CIZ1: variants seen among roughly 807,000 people sequenced by gnomAD.
CIZ1 encodes CDKN1A interacting zinc finger protein 1, also known as cip1-interacting zinc finger protein.
In CIZ1, 58 loss-of-function variants were observed where a neutral mutation model predicts 118.6. That is an observed-to-expected ratio of 0.49 (90% CI 0.40 to 0.61). The LOEUF (loss-of-function observed/expected upper bound fraction) is 0.61. Among genes scored for constraint, CIZ1 ranks in the 20% least tolerant of loss-of-function variants. The pLI, the probability that CIZ1 is intolerant of heterozygous loss-of-function variation, is 0.00. For synonymous variants in CIZ1, 448 were observed against 443.4 expected (o/e 1.01, Z -0.13); for missense variants, 921 against 1,115.9 (o/e 0.83, Z 2.49).
chr9:128,170,047 G>A lies in CIZ1; in HGVS notation c.2004C>T (p.Ile668=), dbSNP rs1829942821. ...TCQLYYMGDL[I]QHRRTQDHKI... is the part of the protein sequence containing the mutation. ...TGTGGTCCTGTGTCCTGCGGTGTTG[G>A]ATCAGGTCCCCCATGTAGTAGAGCT... Residue 668 remains isoleucine, a synonymous_variant, in exon 12 of 17, where the codon ATC becomes ATT. Transcript: ENST00000372938. 1 of 1,613,962 alleles carries A rather than the reference G, an allele frequency of 6.2e-7. No individual in the cohort carries two copies. The highest frequency in any genetic ancestry group is 8.5e-7 in the Non-Finnish European group (1 of 1,179,976).
At chr9:128,178,075 CTG>C (rs1335682913) in intron 9 of CIZ1, among the ~76,000 whole-genome samples, 2 of 152,160 alleles carry the variant, frequency 1.3e-5, no homozygotes, top group African/African-American at 4.8e-5. Context: ...GGCTTCCACT[CTG>C]TGCTCTCTCC....
intron 6 of CIZ1, 78 bp from the exon 7 acceptor site, chr9:128,180,601 C>A (rs1366281526): frequency 1.6e-5 from 23 of 1,417,590 alleles, no homozygotes; most frequent in African/African-American, 2.9e-5. Flanking sequence ...GGGGCCTGGG[C>A]TCCCCGCCTT....
At position 128,178,981 on chromosome 9, in the gene CIZ1, G is replaced by A. The variant is rs989945787; in HGVS notation, c.1226C>T (p.Pro409Leu). 2.5e-6 allele frequency: 4 copies of A among 1,612,944 alleles called. No individual in the cohort carries two copies. The highest frequency in any genetic ancestry group is 3.4e-6 in the Non-Finnish European group (4 of 1,179,882). Reference sequence around the variant, plus strand: ...CCTTGGGGGCTGTGAATGTGCCTGGGGCTGCACCTGTGGCTGCACCTGCTT... The same window carrying A: ...CCTTGGGGGCTGTGAATGTGCCTGGAGCTGCACCTGTGGCTGCACCTGCTT... ...PLKQVQPQVQ[P>L]QAHSQPPRQV... The change falls in exon 8 of 17, where the codon CCC becomes CTC. Residue 409 changes from proline to leucine, a missense_variant. Transcript: ENST00000372938.
At position 128,200,832 on chromosome 9, in the gene CIZ1, G is replaced by C. The variant is rs543139109; in HGVS notation, c.-6+3354C>G. Reference sequence around the variant, plus strand: ...AGCCTGGGAGACAGAGCGAGACTACGTCTCAAATAAATAAATAAATAGGCT... The same window carrying C: ...AGCCTGGGAGACAGAGCGAGACTACCTCTCAAATAAATAAATAAATAGGCT... On this transcript the variant is annotated intron_variant, in intron 1 of 17. Transcript: ENST00000372948. Among the ~76,000 whole-genome samples, 4 of 23,788 alleles carry C rather than the reference G, an allele frequency of 1.7e-4. No individual in the cohort carries two copies. The South Asian group carries it at 7.8e-3, about 47-fold the overall frequency. The allele number at this position is 23,788 out of a possible 152,430, so 15.6% of individuals were successfully genotyped here.
intron 10 of CIZ1, among the ~76,000 whole-genome samples, chr9:128,177,113 C>T (rs1199327871): frequency 1.3e-5 from 2 of 152,164 alleles, no homozygotes; most frequent in Non-Finnish European, 2.9e-5. Context: ...TGGTCTCAAA[C>T]TCCTGACCTT....
chr9:128,170,131 G>A, intron 11 of CIZ1, 24 bp from the exon 12 acceptor site: 1 of 1,601,576 alleles, frequency 6.2e-7, no homozygotes, highest in Non-Finnish European at 8.6e-7. Context: ...GTCAAAGCAA[G>A]TACAATGTGA....
At chr9:128,181,790 C>A (rs1038497777) in intron 5 of CIZ1, among the ~76,000 whole-genome samples, 5 of 151,308 alleles carry the variant, frequency 3.3e-5, no homozygotes, top group Middle Eastern at 7.0e-3. Flanking sequence ...GTCTCCCTTT[C>A]CCCGAGGGAG....
rs374230935 is a variant in CIZ1 at position 128,187,891 on chromosome 9, G to C, written c.330C>G (p.Ala110=). 2 of 754,114 alleles carry C rather than the reference G, an allele frequency of 2.7e-6. No homozygotes were observed. The highest frequency in any genetic ancestry group is 4.9e-6 in the Non-Finnish European group (2 of 404,256). 46.7% of individuals were successfully genotyped at this position (754,114 alleles called of 1,614,324 possible). A position where few individuals can be genotyped will look rare whatever the true frequency, so the allele number is the denominator to read the frequency against. Residue 110 remains alanine (A), a synonymous_variant, in exon 4 of 17, where the codon GCC becomes GCG. Transcript: ENST00000372938. ...FAMPPATYDT[A]GLTMPTATLG... ...GTGTTGCTGTGGGCATGGTGAGACCGGCAGTGTCATACGTGGCTGGTGGCA... is the reference window on the plus strand; with the variant it reads ...GTGTTGCTGTGGGCATGGTGAGACCCGCAGTGTCATACGTGGCTGGTGGCA...
At chr9:128,174,172 C>A (rs45438092) in intron 11 of CIZ1, among the ~76,000 whole-genome samples, 3 of 152,212 alleles carry the variant, frequency 2.0e-5, no homozygotes, top group Admixed American at 6.5e-5. Flanking sequence ...GGAACACCCC[C>A]CTGCCTTCCA....
intron 1 of CIZ1, among the ~76,000 whole-genome samples, chr9:128,198,707 C>T (rs1335792086): frequency 2.6e-5 from 4 of 152,106 alleles, no homozygotes; most frequent in Admixed American, 6.5e-5. Flanking sequence ...TGGTGAGTGC[C>T]TGTCGTTCCA....
rs747064119 is a variant in CIZ1, at chr9:128,185,753, C to A, written c.382G>T (p.Ala128Ser). The change falls in exon 5 of 17, where the codon GCA becomes TCA. Residue 128 changes from alanine to serine, a missense_variant. Transcript: ENST00000372938. ...TLGNLRGYGM[A>S]SPGLAAPSLT... ...CTGGGGGCTGCGAGGCCTGGGGATG[C>A]CATGCCATAGCCTCGGAGGTTACCT... 5.6e-6 allele frequency: 9 copies of A among 1,613,190 alleles called. No individual in the cohort carries two copies. The Admixed American group carries it at 1.5e-4, about 27-fold the overall frequency.
Position 128,176,383 on chromosome 9 carries a change from G to T in CIZ1, c.1911C>A (p.Pro637=). 6.2e-7 allele frequency: 1 copy of T among 1,614,042 alleles called. No homozygotes were observed. The highest frequency in any genetic ancestry group is 1.7e-5 in the Admixed American group (1 of 60,020). ...CTGTCTCCAGGACGTCCCGGGGCAC[G>T]GGCAGCAGGGACAGGAGGCAGGCTT... is the stretch of plus-strand genomic sequence containing the variant. ...MSQACLLSLL[P]VPRDVLETED... Residue 637 remains proline (P), a synonymous_variant, in exon 11 of 17, where the codon CCC becomes CCA. Transcript: ENST00000372938.
intron 3 of CIZ1, among the ~76,000 whole-genome samples, chr9:128,188,536 C>T (rs1466768506): frequency 1.3e-5 from 2 of 152,132 alleles, no homozygotes; most frequent in African/African-American, 4.8e-5. Flanking sequence ...TGATCTTGAA[C>T]TCCTGGCCTC....
chr9:128,200,657 CAAA>C (rs71381745), intron 1 of CIZ1, among the ~76,000 whole-genome samples: 1 of 133,714 alleles, frequency 7.5e-6, no homozygotes, highest in Non-Finnish European at 1.6e-5. Context: ...GACTCTGTCT[CAAA>C]AAAAAAAAAA....
At chr9:128,184,962 G>T (rs989010244) in intron 5 of CIZ1, among the ~76,000 whole-genome samples, 1 of 152,000 alleles carries the variant, frequency 6.6e-6, no homozygotes, top group Non-Finnish European at 1.5e-5. Context: ...GAGCCCCCAC[G>T]CTTGGCCACA....
chr9:128,166,136 A>T lies in CIZ1; in HGVS notation c.*61T>A. 1 of 1,146,744 alleles carries T rather than the reference A, an allele frequency of 8.7e-7. No homozygotes were observed. The highest frequency in any genetic ancestry group is 1.2e-6 in the Non-Finnish European group (1 of 846,970). 71.0% of individuals were successfully genotyped at this position (1,146,744 alleles called of 1,614,324 possible). On this transcript the variant is annotated 3_prime_UTR_variant, in exon 17 of 17. Coordinates refer to ENST00000372938, the MANE Select transcript of CIZ1 (RefSeq NM_001131016.2). This position sits in a 1 kb window ranked among gnomAD's most constrained non-coding sequence, Gnocchi z 4.4. ...GAACCATGTCAAAGTTTCCAGGCAG[A>T]CTCCTAAAAAGCATTAGCAGATCTG... is the stretch of plus-strand genomic sequence containing the variant.
rs775241817 is a variant in CIZ1, at chr9:128,170,034, T to A, written c.2017A>T (p.Thr673Ser). The change falls in exon 12 of 17, where the codon ACA (threonine) becomes TCA (serine). Residue 673 changes from threonine to serine, a missense_variant. Transcript: ENST00000372938. The stretch of plus-strand genomic sequence containing the variant: ...GGCCCTCCTACCTTGTGGTCCTGTG[T>A]CCTGCGGTGTTGGATCAGGTCCCCC... ...YMGDLIQHRR[T>S]QDHKIAKQSL... The A allele has an allele frequency of 8.1e-6, 13 of 1,613,642 alleles. No homozygotes were observed. The highest frequency in any genetic ancestry group is 1.1e-5 in the Non-Finnish European group (13 of 1,179,928).
chr9:128,200,542 C>T (rs967503983), intron 1 of CIZ1, among the ~76,000 whole-genome samples: 1 of 151,652 alleles, frequency 6.6e-6, no homozygotes, highest in Non-Finnish European at 1.5e-5. Flanking sequence ...CCTGTAATCC[C>T]AGCTACTCAG....
chr9:128,174,626 AG>A (rs1265627885), intron 11 of CIZ1, among the ~76,000 whole-genome samples: 1 of 152,036 alleles, frequency 6.6e-6, no homozygotes, highest in Non-Finnish European at 1.5e-5. Flanking sequence ...GACCAAGGTG[AG>A]GGGGTCGTAG....
Sources: allele counts gnomAD v4.1 joint callset (sites outside exome capture counted in the v4.1 genomes callset), GRCh38; gene constraint gnomAD v4.1.1; non-coding constraint Gnocchi (gnomAD v3.1); transcripts MANE v1.5; gene names NCBI Gene and HGNC (gene_info 2026-07-23, HGNC 2026-07-21).